Variants in MACROD2 observed in about 807,000 individuals in gnomAD.
The protein encoded by MACROD2 is ADP-ribose glycohydrolase MACROD2.
In MACROD2, 36 loss-of-function variants were observed where a neutral mutation model predicts 70.4. That is an observed-to-expected ratio of 0.51 (90% CI 0.39 to 0.68). The LOEUF is 0.68. Among genes scored for constraint, MACROD2 ranks in the 30% least tolerant of loss-of-function variants. The pLI is 0.00. For missense variants in MACROD2, 496 were observed against 538.4 expected (o/e 0.92, Z 0.78); for synonymous variants, 172 against 178.8 (o/e 0.96, Z 0.30).
At chr20:14,808,132 T>C (rs2072662726) in intron 5 of MACROD2, among the ~76,000 whole-genome samples, 5 of 151,704 alleles carry the variant, frequency 3.3e-5, no homozygotes. Context: ...AACATAATTG[T>C]CAGATTCACC....
chr20:15,627,595 G>A (rs1310779918), intron 8 of MACROD2, among the ~76,000 whole-genome samples: 2 of 152,094 alleles, frequency 1.3e-5, no homozygotes, highest in Non-Finnish European at 2.9e-5. Context: ...GTCCTCTTGA[G>A]CTGACTTACT....
chr20:14,850,109 A>G (rs1245719843), intron 5 of MACROD2: 1 of 417,460 alleles, frequency 2.4e-6, no homozygotes, highest in Non-Finnish European at 4.7e-6. Flanking sequence ...GGAGAGCCAT[A>G]GTTTAAAAGT....
chr20:15,734,830 AT>A (rs1047651627), intron 8 of MACROD2, among the ~76,000 whole-genome samples: 2 of 152,198 alleles, frequency 1.3e-5, no homozygotes, highest in Admixed American at 1.3e-4. Context: ...AATTCTGCTA[AT>A]TTTTCATAAT....
chr20:15,408,978 A>G lies in MACROD2; in HGVS notation c.541-22427A>G, dbSNP rs139152723. Among the ~76,000 whole-genome samples, 6 of 152,354 alleles carry G rather than the reference A, an allele frequency of 3.9e-5. No individual in the cohort carries two copies. The East Asian group carries it at 9.6e-4, about 24-fold the overall frequency. ...ATTCTTTTGCTTCAATTCCTAAAAGATTGATATTAATGCATTAAGCCTCTT... is the reference window on the plus strand; with the variant it reads ...ATTCTTTTGCTTCAATTCCTAAAAGGTTGATATTAATGCATTAAGCCTCTT... On this transcript the variant is annotated intron_variant, in intron 6 of 17. Transcript: ENST00000684519.
intron 5 of MACROD2, among the ~76,000 whole-genome samples, chr20:15,046,188 C>CATATAT (rs11467667): frequency 6.6e-6 from 1 of 151,382 alleles, no homozygotes; most frequent in African/African-American, 2.4e-5. Flanking sequence ...TTAAAAAATA[C>CATATAT]ATATATATAT....
chr20:16,048,708 A>G (rs956024594), intron 17 of MACROD2, among the ~76,000 whole-genome samples: 4 of 152,190 alleles, frequency 2.6e-5, no homozygotes, highest in African/African-American at 4.8e-5. Context: ...ACTCTTATAC[A>G]TGGCTGGGGG....
intron 5 of MACROD2, among the ~76,000 whole-genome samples, chr20:14,830,233 C>T (rs1388902465): frequency 6.6e-6 from 1 of 152,002 alleles, no homozygotes; most frequent in East Asian, 1.9e-4. Context: ...TTGAATTGGC[C>T]ATGCTGTGAT....
chr20:14,525,988 T>G (rs2085226253), intron 4 of MACROD2, among the ~76,000 whole-genome samples: 1 of 152,188 alleles, frequency 6.6e-6, no homozygotes, highest in Admixed American at 6.5e-5. Flanking sequence ...TAAAATTGAT[T>G]TCTAAGGGCA....
chr20:15,691,134 A>G (rs1245083811), intron 8 of MACROD2, among the ~76,000 whole-genome samples: 1 of 152,176 alleles, frequency 6.6e-6, no homozygotes, highest in Non-Finnish European at 1.5e-5. Flanking sequence ...CCTCCTGGAT[A>G]TGTCAATCTT....
chr20:14,442,728 G>C (rs536370002), intron 3 of MACROD2, among the ~76,000 whole-genome samples: 1 of 152,136 alleles, frequency 6.6e-6, no homozygotes, highest in Admixed American at 6.5e-5. Flanking sequence ...GGCCTTGCTT[G>C]GTCCTAGAAG....
intron 7 of MACROD2, among the ~76,000 whole-genome samples, chr20:15,469,221 C>T (rs1296189480): frequency 5.9e-5 from 9 of 152,062 alleles, no homozygotes; most frequent in Non-Finnish European, 8.8e-5. Context: ...TGCACAAAAA[C>T]GATTGATGTT....
intron 8 of MACROD2, among the ~76,000 whole-genome samples, chr20:15,682,171 C>A (rs1283780750): frequency 2.6e-5 from 4 of 152,096 alleles, no homozygotes; most frequent in African/African-American, 9.7e-5. Context: ...TTTATCAGGG[C>A]AGATCCAGTA....
intron 8 of MACROD2, among the ~76,000 whole-genome samples, chr20:15,675,128 T>C (rs187919172): frequency 6.7e-6 from 1 of 149,700 alleles, no homozygotes; most frequent in Admixed American, 6.6e-5. Flanking sequence ...AGCATACATA[T>C]TTATTTTTAC....
At chr20:16,044,144 A>G (rs2067345416) in intron 16 of MACROD2, among the ~76,000 whole-genome samples, 1 of 152,122 alleles carries the variant, frequency 6.6e-6, no homozygotes, top group Admixed American at 6.6e-5. Context: ...GAAGCTTACA[A>G]TCATGGCGGG....
At chr20:14,934,504 A>T (rs777669018) in intron 5 of MACROD2, among the ~76,000 whole-genome samples, 1 of 152,164 alleles carries the variant, frequency 6.6e-6, no homozygotes, top group Non-Finnish European at 1.5e-5. Flanking sequence ...AAGGTTTAAC[A>T]GGCTGGATAT....
At chr20:15,682,361 G>A (rs867545191) in intron 8 of MACROD2, among the ~76,000 whole-genome samples, 2 of 152,170 alleles carry the variant, frequency 1.3e-5, no homozygotes, top group Non-Finnish European at 2.9e-5. Context: ...GTTTGGTTTT[G>A]TGGAACTGGA....
At chr20:15,245,804 T>G in intron 6 of MACROD2, among the ~76,000 whole-genome samples, 1 of 152,232 alleles carries the variant, frequency 6.6e-6, no homozygotes, top group Non-Finnish European at 1.5e-5. Flanking sequence ...ATAGGTTATG[T>G]GTATTAAATG....
At chr20:15,508,191 C>T (rs1444846141) in intron 8 of MACROD2, among the ~76,000 whole-genome samples, 1 of 152,082 alleles carries the variant, frequency 6.6e-6, no homozygotes, top group Non-Finnish European at 1.5e-5. Flanking sequence ...TCCTCCTCAG[C>T]CAGCCCTCCT....
chr20:15,517,582 G>T (rs2047586357), intron 8 of MACROD2, among the ~76,000 whole-genome samples: 1 of 152,184 alleles, frequency 6.6e-6, no homozygotes, highest in Admixed American at 6.5e-5. Flanking sequence ...GGTAGTAGGG[G>T]CTTAATAAAT....
Sources: gnomAD v4.1 joint callset for allele counts (sites outside exome capture counted in the v4.1 genomes callset) on GRCh38, gnomAD v4.1.1 for gene constraint, MANE v1.5 for transcripts, NCBI Gene and HGNC (gene_info 2026-07-23, HGNC 2026-07-21) for gene names.